BCAS1: variants seen among roughly 807,000 people sequenced by gnomAD.
BCAS1 encodes breast carcinoma-amplified sequence 1.
A neutral mutation model predicts 65.4 loss-of-function variants in BCAS1; 46 were observed. The ratio of observed to expected loss-of-function variants is 0.70; its 90% CI spans 0.55 to 0.90. The LOEUF is 0.90. Ranked by LOEUF, BCAS1 falls within the 40% of genes least tolerant of loss-of-function variation. BCAS1 has a pLI of 0.00. For missense variants in BCAS1, 793 were observed against 771.2 expected (o/e 1.03, Z -0.33); for synonymous variants, 298 against 293.5 (o/e 1.02, Z -0.16).
intron 1 of BCAS1, among the ~76,000 whole-genome samples, chr20:54,064,469 C>A (rs2092412164): frequency 6.6e-6 from 1 of 152,216 alleles, no homozygotes. Flanking sequence ...AGGGGCACTG[C>A]TTTGCTGACG....
intron 7 of BCAS1, among the ~76,000 whole-genome samples, chr20:53,989,897 G>A (rs1162397502): frequency 6.6e-6 from 1 of 152,080 alleles, no homozygotes; most frequent in Admixed American, 6.5e-5. Flanking sequence ...TATTGCATGG[G>A]ACATACTTAT....
intron 3 of BCAS1, among the ~76,000 whole-genome samples, chr20:54,034,373 T>C (rs1289948334): frequency 6.6e-6 from 1 of 151,306 alleles, no homozygotes. Context: ...TGACATTATA[T>C]CTAGAAAACC....
At chr20:53,991,659 C>T (rs2276502) in intron 7 of BCAS1, among the ~76,000 whole-genome samples, 25,777 of 152,132 alleles carry the variant, frequency 0.17, 2,192 homozygotes, top group Middle Eastern at 0.21. Flanking sequence ...GGACATGGAG[C>T]TGAAACATGC....
intron 3 of BCAS1, among the ~76,000 whole-genome samples, chr20:54,053,541 G>A (rs928261164): frequency 6.6e-6 from 1 of 152,230 alleles, no homozygotes; most frequent in East Asian, 1.9e-4. Context: ...CAAAAGATAT[G>A]TTAGGCAGAA....
chr20:53,979,605 G>A (rs1336846875), intron 8 of BCAS1, among the ~76,000 whole-genome samples: 3 of 152,170 alleles, frequency 2.0e-5, no homozygotes, highest in Admixed American at 6.5e-5. Context: ...AAATTGGCAC[G>A]GATCATCTCC....
intron 12 of BCAS1, among the ~76,000 whole-genome samples, chr20:53,946,098 C>G (rs563153125): frequency 6.6e-6 from 1 of 151,954 alleles, no homozygotes; most frequent in Admixed American, 6.6e-5. Context: ...ATTATTATTA[C>G]TTTACCGTTT....
intron 3 of BCAS1, among the ~76,000 whole-genome samples, chr20:54,052,699 G>C (rs760209250): frequency 5.9e-5 from 9 of 152,272 alleles, no homozygotes; most frequent in African/African-American, 2.2e-4. Context: ...GGTGGGCACA[G>C]CAAGGCGCCA....
chr20:54,028,045 T>G (rs942049514), intron 4 of BCAS1, among the ~76,000 whole-genome samples: 1 of 152,246 alleles, frequency 6.6e-6, no homozygotes, highest in Non-Finnish European at 1.5e-5. Flanking sequence ...TTAGGAATCA[T>G]TTTTATTCCA....
chr20:54,020,572 C>T (rs984636716), intron 4 of BCAS1, among the ~76,000 whole-genome samples: 6 of 152,184 alleles, frequency 3.9e-5, no homozygotes, highest in Non-Finnish European at 1.5e-5. Flanking sequence ...ATGACGTGTA[C>T]CACCCTTATT....
chr20:54,056,601 AT>A (rs369440236), intron 3 of BCAS1, among the ~76,000 whole-genome samples: 19 of 151,740 alleles, frequency 1.3e-4, no homozygotes, highest in East Asian at 3.9e-4. Flanking sequence ...TAAAGCTATG[AT>A]TTTTTTTTAA....
In BCAS1 at chr20:53,957,515, C is replaced by A. The variant is rs1295746256; in HGVS notation, c.1486-18G>T. Reference sequence around the variant, plus strand: ...TTCACTGACTAAAATAACAAACAGACAATGGCCTTCAGCCACAAGTACAGT... The same window carrying A: ...TTCACTGACTAAAATAACAAACAGAAAATGGCCTTCAGCCACAAGTACAGT... On this transcript the variant is annotated intron_variant, in intron 10 of 12. Coordinates refer to ENST00000688948, the MANE Select transcript of BCAS1 (RefSeq NM_001366298.2). The A allele has an allele frequency of 6.2e-7, 1 of 1,609,374 alleles. No individual in the cohort carries two copies. The highest frequency in any genetic ancestry group is 2.2e-5 in the East Asian group (1 of 44,866).
At chr20:54,063,028 GTT>G (rs1293660704) in intron 1 of BCAS1, among the ~76,000 whole-genome samples, 1 of 152,216 alleles carries the variant, frequency 6.6e-6, no homozygotes, top group Non-Finnish European at 1.5e-5. Context: ...GCATTTTGAT[GTT>G]TTGCAATGAA....
chr20:54,044,293 T>C (rs1036681750), intron 3 of BCAS1, among the ~76,000 whole-genome samples: 1 of 152,186 alleles, frequency 6.6e-6, no homozygotes, highest in Non-Finnish European at 1.5e-5. Context: ...AAGACAGAGA[T>C]GAGTGATCTT....
At chr20:53,992,132 T>C (rs1032030982) in intron 7 of BCAS1, among the ~76,000 whole-genome samples, 3 of 150,714 alleles carry the variant, frequency 2.0e-5, no homozygotes, top group Non-Finnish European at 4.4e-5. Context: ...TGATTTTCTA[T>C]ATATGATATA....
At chr20:53,958,722 G>A (rs1272398408) in intron 10 of BCAS1, among the ~76,000 whole-genome samples, 1 of 152,142 alleles carries the variant, frequency 6.6e-6, no homozygotes. Context: ...ATAATAACTT[G>A]CATTATTTCA....
intron 5 of BCAS1, among the ~76,000 whole-genome samples, chr20:53,995,395 T>C (rs2090879518): frequency 6.6e-6 from 1 of 152,160 alleles, no homozygotes; most frequent in African/African-American, 2.4e-5. Flanking sequence ...TCTGTTGACA[T>C]TTATTGTTTT....
At chr20:53,972,092 T>C (rs934545775) in intron 9 of BCAS1, among the ~76,000 whole-genome samples, 1 of 152,222 alleles carries the variant, frequency 6.6e-6, no homozygotes, top group Non-Finnish European at 1.5e-5. Context: ...CTTGCATCCG[T>C]TGATAGATTA....
intron 5 of BCAS1, among the ~76,000 whole-genome samples, chr20:53,995,491 T>TTC (rs1211107075): frequency 1.1e-4 from 16 of 149,376 alleles, no homozygotes. Flanking sequence ...TCATTCAGGT[T>TTC]TTTTTTTTTT....
intron 4 of BCAS1, among the ~76,000 whole-genome samples, chr20:53,998,174 C>T (rs1312887311): frequency 6.6e-6 from 1 of 152,106 alleles, no homozygotes; most frequent in East Asian, 1.9e-4. Flanking sequence ...TATACTTTCT[C>T]CTCTGGGGTT....
Sources: gnomAD v4.1 joint callset for allele counts (sites outside exome capture counted in the v4.1 genomes callset) on GRCh38, gnomAD v4.1.1 for gene constraint, MANE v1.5 for transcripts, NCBI Gene and HGNC (gene_info 2026-07-23, HGNC 2026-07-21) for gene names.